The following DLGAP2 variants were observed in gnomAD, a reference collection of about 807,000 sequenced individuals.
The protein encoded by DLGAP2 is disks large-associated protein 2.
Under a neutral mutation model 100.3 loss-of-function variants are expected in DLGAP2, and 26 were observed. The ratio of observed to expected loss-of-function variants is 0.26; its 90% confidence interval spans 0.19 to 0.36. DLGAP2 has a LOEUF of 0.36. Ranked by LOEUF, DLGAP2 falls within the 10% of genes least tolerant of loss-of-function variation. The pLI, the probability that DLGAP2 is intolerant of heterozygous loss-of-function variation, is 1.00. For missense variants in DLGAP2, 1,858 were observed against 1,453.2 expected, an observed-to-expected ratio of 1.28 and a Z score of -4.53; for synonymous variants, 886 against 630.1, an observed-to-expected ratio of 1.41 and a Z score of -6.08.
chr8:1,252,306 G>A (rs919476004), intron 2 of DLGAP2, among the ~76,000 whole-genome samples: 1 of 150,138 alleles, frequency 6.7e-6, no homozygotes, highest in South Asian at 2.1e-4. Flanking sequence ...GTGTTGTCAT[G>A]TGGGTGTGTT....
At chr8:989,886 T>C (rs1584951811) in intron 2 of DLGAP2, among the ~76,000 whole-genome samples, 1 of 152,104 alleles carries the variant, frequency 6.6e-6, no homozygotes, top group Non-Finnish European at 1.5e-5. Flanking sequence ...AATTATATGA[T>C]TTTTCTAAGT....
rs112596749 is a variant in DLGAP2, at chr8:1,085,302, A to T, written c.74-173549A>T. 7.1e-3 allele frequency among the ~76,000 whole-genome samples: 1,087 copies of T among 152,256 alleles called. 8 individuals carry two copies. Among genetic ancestry groups the T allele is most frequent in the Admixed American group, 0.012 (180 of 15,294 alleles). ...TATGGCTTGCAAATATTTTCTCCTA[A>T]CCTGTAGGCTATTTCTTTACCTCAT... is the stretch of plus-strand genomic sequence containing the variant. On this transcript the variant is annotated intron_variant, in intron 2 of 14. Transcript: ENST00000637795.
At chr8:1,235,537 GTTCTCTCACATGGCGCCATGTCTA>G (rs1798632858) in intron 2 of DLGAP2, among the ~76,000 whole-genome samples, 1 of 15,976 alleles carries the variant, frequency 6.3e-5, no homozygotes, top group Non-Finnish European at 1.9e-4. Context: ...ATCATGTCTA[GTTCTCTCACATGGCGCCATGTCTA>G]GTTCTCTCAC....
chr8:1,155,841 C>T (rs1021158550), intron 2 of DLGAP2, among the ~76,000 whole-genome samples: 3 of 152,136 alleles, frequency 2.0e-5, no homozygotes, highest in African/African-American at 7.2e-5. Context: ...AGTGGGCGAG[C>T]GGCGTGTGTG....
intron 8 of DLGAP2, among the ~76,000 whole-genome samples, chr8:1,634,378 G>T (rs546203477): frequency 6.6e-6 from 1 of 152,166 alleles, no homozygotes; most frequent in South Asian, 2.1e-4. Flanking sequence ...CTTTCTGTAC[G>T]AGGGAGGGTG....
intron 4 of DLGAP2, among the ~76,000 whole-genome samples, chr8:1,508,664 C>T (rs184352575): frequency 6.7e-6 from 1 of 149,356 alleles, no homozygotes. Flanking sequence ...GTAGCAGGCT[C>T]AACGTGGCGG....
At chr8:1,199,857 A>T (rs758931183) in intron 2 of DLGAP2, among the ~76,000 whole-genome samples, 2 of 152,166 alleles carry the variant, frequency 1.3e-5, no homozygotes, top group African/African-American at 2.4e-5. Context: ...CACTGGAATC[A>T]TCGGCTGTGT....
chr8:1,022,271 T>C (rs1801645844), intron 2 of DLGAP2, among the ~76,000 whole-genome samples: 1 of 148,016 alleles, frequency 6.8e-6, no homozygotes, highest in Non-Finnish European at 1.5e-5. Context: ...TCCCTGGGAG[T>C]GGACACTCCC....
At chr8:1,127,478 G>A (rs73526555) in intron 2 of DLGAP2, among the ~76,000 whole-genome samples, 2,204 of 152,232 alleles carry the variant, frequency 0.014, 52 homozygotes, top group African/African-American at 0.051. Flanking sequence ...GCCTCGCGTT[G>A]CTTTTCCCCG....
intron 3 of DLGAP2, among the ~76,000 whole-genome samples, chr8:1,325,995 G>C (rs955207299): frequency 3.3e-5 from 5 of 152,310 alleles, no homozygotes; most frequent in African/African-American, 1.2e-4. Context: ...CTCCGGGTTA[G>C]CCATCTGGTT....
chr8:1,217,581 T>G (rs1585161462), intron 2 of DLGAP2, among the ~76,000 whole-genome samples: 1 of 152,166 alleles, frequency 6.6e-6, no homozygotes, highest in Non-Finnish European at 1.5e-5. Flanking sequence ...CTGATTTCCT[T>G]TAGCAGTTTT....
At chr8:971,712 C>T (rs147876990) in intron 2 of DLGAP2, among the ~76,000 whole-genome samples, 1 of 152,182 alleles carries the variant, frequency 6.6e-6, no homozygotes, top group South Asian at 2.1e-4. Context: ...ATGGAGTACT[C>T]TCAGAGGATT....
intron 3 of DLGAP2, among the ~76,000 whole-genome samples, chr8:1,456,436 T>C (rs1798314707): frequency 6.6e-6 from 1 of 152,186 alleles, no homozygotes; most frequent in Non-Finnish European, 1.5e-5. Context: ...TGATTCAAAA[T>C]TGACTTTGGT....
At chr8:1,130,655 C>G (rs562582728) in intron 2 of DLGAP2, among the ~76,000 whole-genome samples, 94 of 152,376 alleles carry the variant, frequency 6.2e-4, no homozygotes, top group African/African-American at 2.1e-3. Flanking sequence ...CCAGAGGCTG[C>G]ACAGCAGCAT....
chr8:1,521,162 G>C (rs1800583337), intron 4 of DLGAP2, among the ~76,000 whole-genome samples: 1 of 146,384 alleles, frequency 6.8e-6, no homozygotes. Context: ...GGCGGCAGGT[G>C]ATATGGGGCA....
intron 1 of DLGAP2, among the ~76,000 whole-genome samples, chr8:831,850 A>T (rs750093763): frequency 6.6e-6 from 1 of 151,970 alleles, no homozygotes; most frequent in African/African-American, 2.4e-5. Flanking sequence ...AAGTGTTCCT[A>T]TTTCTCCACA....
At chr8:1,481,948 C>T (rs1290030898) in intron 3 of DLGAP2, among the ~76,000 whole-genome samples, 3 of 152,178 alleles carry the variant, frequency 2.0e-5, no homozygotes, top group Admixed American at 6.5e-5. Flanking sequence ...AGGGTCCCCC[C>T]GTGGAGAAGG....
chr8:1,442,045 A>G (rs1797848572), intron 3 of DLGAP2, among the ~76,000 whole-genome samples: 1 of 152,206 alleles, frequency 6.6e-6, no homozygotes. Flanking sequence ...CTGTGCACAC[A>G]GACCCAGAGG....
At chr8:1,390,052 A>G (rs143152197) in intron 3 of DLGAP2, among the ~76,000 whole-genome samples, 1 of 152,112 alleles carries the variant, frequency 6.6e-6, no homozygotes, top group Non-Finnish European at 1.5e-5. Context: ...AGGCAGGAAA[A>G]ACTTAACAGG....
Sources: allele counts gnomAD v4.1 joint callset (sites outside exome capture counted in the v4.1 genomes callset), GRCh38; gene constraint gnomAD v4.1.1; transcripts MANE v1.5; gene names NCBI Gene and HGNC (gene_info 2026-07-23, HGNC 2026-07-21).